MET: variants seen among roughly 807,000 people sequenced by gnomAD.
MET encodes MET proto-oncogene, receptor tyrosine kinase.
A neutral mutation model predicts 133.1 loss-of-function variants in MET; 48 were observed. The ratio of observed to expected loss-of-function variants is 0.36; its 90% CI spans 0.29 to 0.46. The LOEUF is 0.46. Ranked by LOEUF, MET falls within the 20% of genes least tolerant of loss-of-function variation. The probability of loss-of-function intolerance (pLI) is 1.00; values close to 1 mark genes in which losing one functional copy is unlikely to be tolerated. For missense variants in MET, 1,442 were observed against 1,695.9 expected (o/e 0.85, Z 2.63); for synonymous variants, 628 against 616.5 (o/e 1.02, Z -0.28).
Position 116,708,403 on chromosome 7 carries a change from T to C in MET, c.1200+8119T>C, listed in dbSNP as rs188824621. 3.6e-4 allele frequency among the ~76,000 whole-genome samples: 55 copies of C among 152,304 alleles called. No homozygotes were observed. In the East Asian group the frequency reaches 5.6e-3, roughly 15 times the overall value. On this transcript the variant is annotated intron_variant, in intron 2 of 20. Coordinates refer to ENST00000397752, the MANE Select transcript of MET (RefSeq NM_000245.4). ...GCTTTACATCTTAACTACAAGCTGC[T>C]ACATTAAATCAGCTTTCTTAAGTGG... is the stretch of plus-strand genomic sequence containing the variant.
At chr7:116,748,195 G>A (rs897431331) in intron 5 of MET, among the ~76,000 whole-genome samples, 4 of 152,198 alleles carry the variant, frequency 2.6e-5, no homozygotes, top group South Asian at 2.1e-4. Flanking sequence ...AGTGAGCCGC[G>A]AAGGCGCCAC....
chr7:116,760,099 G>A (rs1794340239), intron 10 of MET, among the ~76,000 whole-genome samples: 1 of 152,172 alleles, frequency 6.6e-6, no homozygotes. Flanking sequence ...TTTACAGACA[G>A]TCAGTACAAA....
At chr7:116,675,733 T>C (rs1796134310) in intron 1 of MET, among the ~76,000 whole-genome samples, 1 of 151,960 alleles carries the variant, frequency 6.6e-6, no homozygotes, top group Non-Finnish European at 1.5e-5. Context: ...TGTCACCTTC[T>C]CTTTCTCCAG....
chr7:116,687,634 T>C (rs191324212), intron 1 of MET, among the ~76,000 whole-genome samples: 17 of 152,334 alleles, frequency 1.1e-4, no homozygotes, highest in Admixed American at 4.6e-4. Context: ...AATAAGAAAA[T>C]GTCATATACT....
chr7:116,688,036 G>A (rs901619953), intron 1 of MET, among the ~76,000 whole-genome samples: 8 of 152,298 alleles, frequency 5.3e-5, no homozygotes, highest in Middle Eastern at 3.4e-3. Flanking sequence ...ATAGTTCCTC[G>A]TTTGGAATTG....
intron 2 of MET, among the ~76,000 whole-genome samples, chr7:116,714,160 C>G (rs1428965297): frequency 6.6e-6 from 1 of 152,186 alleles, no homozygotes; most frequent in African/African-American, 2.4e-5. Flanking sequence ...CACATGGACA[C>G]AGTCTGTTTC....
At chr7:116,750,241 C>T (rs1350311480) in intron 5 of MET, among the ~76,000 whole-genome samples, 1 of 152,114 alleles carries the variant, frequency 6.6e-6, no homozygotes, top group Middle Eastern at 3.2e-3. Flanking sequence ...GAGATATAGA[C>T]CAATGGAACA....
intron 5 of MET, among the ~76,000 whole-genome samples, chr7:116,751,088 T>C (rs1246335812): frequency 6.6e-6 from 1 of 152,150 alleles, no homozygotes; most frequent in African/African-American, 2.4e-5. Context: ...ACCCAAAGGA[T>C]TATAAGTCAT....
intron 14 of MET, among the ~76,000 whole-genome samples, chr7:116,772,728 G>C (rs981488639): frequency 2.0e-4 from 31 of 152,188 alleles, no homozygotes; most frequent in Non-Finnish European, 1.2e-4. Context: ...ATGAGTCACA[G>C]ATCATTGAGG....
chr7:116,795,333 A>T (rs1795635252), intron 19 of MET, among the ~76,000 whole-genome samples: 1 of 152,236 alleles, frequency 6.6e-6, no homozygotes, highest in South Asian at 2.1e-4. Context: ...AAAGAAAAGG[A>T]TAGAAACATG....
At chr7:116,791,251 C>T (rs1160455701) in intron 19 of MET, among the ~76,000 whole-genome samples, 1 of 152,084 alleles carries the variant, frequency 6.6e-6, no homozygotes, top group Non-Finnish European at 1.5e-5. Context: ...GATAAGTGTA[C>T]ATTCAACTTT....
intron 5 of MET, among the ~76,000 whole-genome samples, chr7:116,754,503 C>G (rs1006777000): frequency 1.3e-5 from 2 of 151,994 alleles, no homozygotes; most frequent in Non-Finnish European, 2.9e-5. Flanking sequence ...CTAAAGAGCC[C>G]TAGAAGATGA....
rs1793061051 is a variant in MET at position 116,732,617 on chromosome 7, G to A, written c.1392+758G>A. ...GGAAAGAATGACAATAGCATCTATGGAAATCTTGAACTTCTGTGAATACTA... is the reference window on the plus strand; with the variant it reads ...GGAAAGAATGACAATAGCATCTATGAAAATCTTGAACTTCTGTGAATACTA... On this transcript the variant is annotated intron_variant, in intron 3 of 20. Coordinates refer to ENST00000397752, the MANE Select transcript of MET (RefSeq NM_000245.4). Among the ~76,000 whole-genome samples, 5 of 152,238 alleles carry A rather than the reference G, an allele frequency of 3.3e-5. No homozygotes were observed. The South Asian group carries it at 1.0e-3, about 32-fold the overall frequency.
intron 11 of MET, among the ~76,000 whole-genome samples, chr7:116,766,153 C>A (rs1794620418): frequency 6.6e-6 from 1 of 152,132 alleles, no homozygotes; most frequent in South Asian, 2.1e-4. Context: ...TGTCTTATTT[C>A]TGACTTTTTA....
chr7:116,709,726 T>C (rs761346772), intron 2 of MET, among the ~76,000 whole-genome samples: 2 of 152,034 alleles, frequency 1.3e-5, no homozygotes, highest in African/African-American at 4.8e-5. Context: ...GAATCTTGAG[T>C]GTAAAAAACT....
At chr7:116,795,558 T>C (rs1182902863) in intron 19 of MET, 97 bp from the exon 20 acceptor site, 4 of 1,551,114 alleles carry the variant, frequency 2.6e-6, no homozygotes, top group Middle Eastern at 2.3e-4. Context: ...GTATTGAGTA[T>C]GTAAAGCCAA....
chr7:116,749,635 A>C (rs926293635), intron 5 of MET, among the ~76,000 whole-genome samples: 4 of 152,306 alleles, frequency 2.6e-5, no homozygotes, highest in Admixed American at 2.6e-4. Flanking sequence ...AAACAAATAA[A>C]GGGTATTCAG....
In MET at chr7:116,740,814, AC is replaced by A. The variant is rs757740450; in HGVS notation, c.1528-34del. ...TTTATAATTAATTAACAAACTAGATACCCCTCTGGAAGCTCTTTCCACCCCT... is the reference window on the plus strand; with the variant it reads ...TTTATAATTAATTAACAAACTAGATACCCTCTGGAAGCTCTTTCCACCCCT... On this transcript the variant is annotated intron_variant, in intron 4 of 20. Transcript: ENST00000397752. 6 of 1,611,134 alleles carry A rather than the reference AC, an allele frequency of 3.7e-6. No homozygotes were observed. The Admixed American group carries it at 1.0e-4, about 27-fold the overall frequency.
intron 10 of MET, 128 bp downstream of exon 10, chr7:116,759,618 G>A: frequency 9.5e-7 from 1 of 1,055,162 alleles, no homozygotes; most frequent in Non-Finnish European, 1.4e-6. Context: ...TTGCAGTGTA[G>A]CCAAGTAGTA....
Sources: gnomAD v4.1 joint callset for allele counts (sites outside exome capture counted in the v4.1 genomes callset) on GRCh38, gnomAD v4.1.1 for gene constraint, MANE v1.5 for transcripts, NCBI Gene and HGNC (gene_info 2026-07-23, HGNC 2026-07-21) for gene names.